GNAO1: variants seen among roughly 807,000 people sequenced by gnomAD.
GNAO1 encodes the protein G protein subunit alpha o1.
For synonymous variants in GNAO1, 164 were observed against 180.7 expected (o/e 0.91, Z 0.74); for missense variants, 166 against 478.7 (o/e 0.35, Z 6.10).
intron 2 of GNAO1, among the ~76,000 whole-genome samples, chr16:56,204,294 G>C (rs1279424128): frequency 1.3e-5 from 2 of 152,164 alleles, no homozygotes; most frequent in African/African-American, 4.8e-5. Context: ...AGGAAATGTT[G>C]AGTTGTTTGC....
chr16:56,297,931 G>A (rs1567473851), intron 3 of GNAO1, among the ~76,000 whole-genome samples: 1 of 152,226 alleles, frequency 6.6e-6, no homozygotes, highest in Non-Finnish European at 1.5e-5. Flanking sequence ...CACTCTGGGA[G>A]GCAAAGGTGG....
intron 2 of GNAO1, among the ~76,000 whole-genome samples, chr16:56,273,621 G>T (rs1316745580): frequency 2.0e-5 from 3 of 152,154 alleles, no homozygotes; most frequent in Admixed American, 1.3e-4. Flanking sequence ...TCTAGATTTT[G>T]TTGTTCTCAT....
rs1182115475 is a variant in GNAO1 at position 56,354,548 on chromosome 16, C to A, written c.878-318C>A. On this transcript the variant is annotated intron_variant, in intron 7 of 8. Transcript: ENST00000262493. The surrounding 1 kb of genome is among the most constrained non-coding windows in gnomAD (Gnocchi z 4.3). ...AAAATTAGCTGGGCGTGGTGGCACG[C>A]GCCTGTATTACCAGCTACTCAGGAG... Among the ~76,000 whole-genome samples the A allele has an allele frequency of 6.6e-6, 1 of 152,124 alleles. No homozygotes were observed. Among genetic ancestry groups the A allele is most frequent in the Non-Finnish European group, 1.5e-5 (1 of 68,036 alleles).
chr16:56,214,990 G>A (rs2036425562), intron 2 of GNAO1, among the ~76,000 whole-genome samples: 1 of 152,198 alleles, frequency 6.6e-6, no homozygotes, highest in African/African-American at 2.4e-5. Context: ...GGCTTGGCTT[G>A]GAGGACATAC....
chr16:56,334,603 A>G (rs1348933608), intron 4 of GNAO1, 126 bp from the exon 5 acceptor site: 3 of 969,690 alleles, frequency 3.1e-6, no homozygotes, highest in East Asian at 5.0e-5. Flanking sequence ...AATGGAGGTG[A>G]TGTCTTTTCC....
At chr16:56,237,859 G>T (rs2036653825) in intron 2 of GNAO1, among the ~76,000 whole-genome samples, 1 of 152,164 alleles carries the variant, frequency 6.6e-6, no homozygotes, top group Admixed American at 6.5e-5. Flanking sequence ...ACGTTGCAAG[G>T]CCAGCTGGCA....
chr16:56,249,839 G>C (rs2036783573), intron 2 of GNAO1, among the ~76,000 whole-genome samples: 1 of 152,156 alleles, frequency 6.6e-6, no homozygotes, highest in Admixed American at 6.5e-5. Flanking sequence ...TAGAAGCCCT[G>C]CTGGGAGACT....
In GNAO1 at chr16:56,311,611, G is replaced by A. The variant is rs1200701671; in HGVS notation, c.304-17020G>A. On this transcript the variant is annotated intron_variant, in intron 3 of 8. Transcript: ENST00000262493. This position sits in a 1 kb window ranked among gnomAD's most constrained non-coding sequence, Gnocchi z 5.2. The stretch of plus-strand genomic sequence containing the variant: ...CTGCGCTGAACTGAGAACCCGAGGA[G>A]CGCGTCCCCTCCCTCCTCCCTCCCT... Among the ~76,000 whole-genome samples the A allele has an allele frequency of 1.3e-5, 2 of 152,132 alleles. No individual in the cohort carries two copies. Among genetic ancestry groups the A allele is most frequent in the Non-Finnish European group, 2.9e-5 (2 of 68,010 alleles).
rs145743047 is a variant in GNAO1 at position 56,194,325 on chromosome 16, T to C, written c.161+1709T>C. 535 of 453,056 alleles carry C rather than the reference T, an allele frequency of 1.2e-3. 3 individuals carry two copies. The highest frequency in any genetic ancestry group is 9.8e-3 in the African/African-American group (490 of 50,062). The allele number at this position is 453,056 out of a possible 1,614,324, so 28.1% of individuals were successfully genotyped here. ...CAACAAGGTGCATGTTGCATCTGTC[T>C]GGAGCCCTTGCAGATCTGTAAATGC... On this transcript the variant is annotated intron_variant, in intron 2 of 8. Coordinates refer to ENST00000262493, the MANE Select transcript of GNAO1 (RefSeq NM_020988.3).
chr16:56,282,030 T>G (rs146194599), intron 3 of GNAO1, among the ~76,000 whole-genome samples: 3 of 152,332 alleles, frequency 2.0e-5, no homozygotes, highest in African/African-American at 7.2e-5. Flanking sequence ...CAGTTGAAAA[T>G]ACTCCAGTTT....
chr16:56,314,184 C>G (rs1353220309), intron 3 of GNAO1, among the ~76,000 whole-genome samples: 1 of 152,178 alleles, frequency 6.6e-6, no homozygotes, highest in Non-Finnish European at 1.5e-5. Context: ...GGGAAGTTAC[C>G]AAGTTTACAG....
At chr16:56,334,681 A>T in intron 4 of GNAO1, 48 bp from the exon 5 acceptor site, 1 of 1,607,608 alleles carries the variant, frequency 6.2e-7, no homozygotes, top group Non-Finnish European at 8.5e-7. Flanking sequence ...AGTCCCGAAC[A>T]GTGTCCAGGC....
At chr16:56,303,910 G>A (rs1336549005) in intron 3 of GNAO1, among the ~76,000 whole-genome samples, 4 of 152,208 alleles carry the variant, frequency 2.6e-5, no homozygotes, top group East Asian at 1.9e-4. Context: ...TTTTATAGAC[G>A]CTGGCAAGGG....
chr16:56,294,216 C>T (rs759661497), intron 3 of GNAO1, among the ~76,000 whole-genome samples: 5 of 152,112 alleles, frequency 3.3e-5, no homozygotes, highest in Non-Finnish European at 7.4e-5. Flanking sequence ...CAGGCCCCGT[C>T]GCTCTCTGGG....
intron 3 of GNAO1, among the ~76,000 whole-genome samples, chr16:56,296,962 T>C (rs2037293282): frequency 6.6e-6 from 1 of 152,124 alleles, no homozygotes; most frequent in African/African-American, 2.4e-5. Context: ...TCAAAGCGTC[T>C]CCCTCATGCC....
chr16:56,346,652 G>T, intron 6 of GNAO1: 1 of 985,356 alleles, frequency 1.0e-6, no homozygotes, highest in Non-Finnish European at 1.2e-6. Context: ...TGGCATTCTG[G>T]GTTCCATGGG....
At chr16:56,218,483 G>A (rs936237780) in intron 2 of GNAO1, among the ~76,000 whole-genome samples, 5 of 152,130 alleles carry the variant, frequency 3.3e-5, no homozygotes, top group African/African-American at 1.2e-4. Flanking sequence ...GAGATGACGA[G>A]ACCTGGTGAA....
intron 3 of GNAO1, among the ~76,000 whole-genome samples, chr16:56,291,512 A>G (rs1446083059): frequency 6.6e-6 from 1 of 152,110 alleles, no homozygotes; most frequent in Non-Finnish European, 1.5e-5. Flanking sequence ...CCTTTATTAG[A>G]TATGCGATTT....
At chr16:56,222,837 G>A (rs140000998) in intron 2 of GNAO1, among the ~76,000 whole-genome samples, 3 of 152,244 alleles carry the variant, frequency 2.0e-5, no homozygotes, top group East Asian at 3.9e-4. Context: ...GAAGACTGGC[G>A]ATGAGGTGAT....
Sources: allele counts gnomAD v4.1 joint callset (sites outside exome capture counted in the v4.1 genomes callset), GRCh38; gene constraint gnomAD v4.1.1; non-coding constraint Gnocchi (gnomAD v3.1); transcripts MANE v1.5; gene names NCBI Gene and HGNC (gene_info 2026-07-23, HGNC 2026-07-21).